The following DCAF8 variants were observed in gnomAD, a reference collection of about 807,000 sequenced individuals.
DCAF8 encodes DDB1- and CUL4-associated factor 8.
Under a neutral mutation model 68.0 loss-of-function variants are expected in DCAF8, and 20 were observed. That is an observed-to-expected ratio of 0.29 (90% CI 0.21 to 0.43). DCAF8 has a LOEUF of 0.43. Among genes scored for constraint, DCAF8 ranks in the 20% least tolerant of loss-of-function variants. The pLI is 1.00. For synonymous variants in DCAF8, 230 were observed against 276.9 expected, an observed-to-expected ratio of 0.83 and a Z score of 1.68; for missense variants, 460 against 771.0, an observed-to-expected ratio of 0.60 and a Z score of 4.78.
At chr1:160,241,583 GA>G (rs1571099820) in intron 3 of DCAF8, among the ~76,000 whole-genome samples, 2 of 152,164 alleles carry the variant, frequency 1.3e-5, no homozygotes, top group East Asian at 3.9e-4. Context: ...AGAACTTGAG[GA>G]ATGTTCTAAA....
intron 2 of DCAF8, among the ~76,000 whole-genome samples, chr1:160,254,288 C>T (rs139058905): frequency 0.016 from 2,397 of 151,244 alleles, 62 homozygotes; most frequent in African/African-American, 0.049. Context: ...TGCCACTGCA[C>T]TCCAACCTGG....
At chr1:160,232,851 T>C (rs775095224) in intron 6 of DCAF8, among the ~76,000 whole-genome samples, 31 of 152,052 alleles carry the variant, frequency 2.0e-4, no homozygotes, top group Non-Finnish European at 5.9e-5. Flanking sequence ...CAGCTTAAAA[T>C]ATGCACACTG....
intron 2 of DCAF8, among the ~76,000 whole-genome samples, chr1:160,258,150 C>T (rs1656913584): frequency 6.6e-6 from 1 of 151,874 alleles, no homozygotes; most frequent in African/African-American, 2.4e-5. Context: ...GGTTTGAAAC[C>T]AGCCTGGGCA....
At chr1:160,248,599 A>G (rs1373696520) in intron 2 of DCAF8, among the ~76,000 whole-genome samples, 1 of 150,598 alleles carries the variant, frequency 6.6e-6, no homozygotes, top group African/African-American at 2.4e-5. Flanking sequence ...GGCAGGCATG[A>G]TGGTGCGTGC....
intron 2 of DCAF8, among the ~76,000 whole-genome samples, chr1:160,248,168 G>A (rs766671245): frequency 2.0e-5 from 3 of 152,030 alleles, no homozygotes; most frequent in East Asian, 1.9e-4. Context: ...TTAGCCGGGC[G>A]TGGTGGCACA....
chr1:160,250,464 C>CAAAAAAAAAAAAAAAAA (rs386368471), intron 2 of DCAF8, among the ~76,000 whole-genome samples: 1 of 66,644 alleles, frequency 1.5e-5, no homozygotes, highest in Non-Finnish European at 2.7e-5. Flanking sequence ...GAAACTGTCT[C>CAAAAAAAAAAAAAAAAA]AAAAAAAAAA....
chr1:160,225,185 C>T (rs1655421667), intron 8 of DCAF8, 66 bp from the exon 9 acceptor site: 2 of 1,493,290 alleles, frequency 1.3e-6, no homozygotes, highest in Non-Finnish European at 1.8e-6. Context: ...CTTCAGGAAA[C>T]AGCTTTTCCT....
rs1037242127 is a variant in DCAF8, at chr1:160,222,594, C to A, written c.1440+57G>T. The A allele has an allele frequency of 6.9e-6, 11 of 1,601,334 alleles. No individual in the cohort carries two copies. In the Admixed American group the frequency reaches 8.4e-5, roughly 12 times the overall value. ...TGAGAATTCAGTGTCCCTGCTAAAA[C>A]CTACCTTAATGACTGGAGAGATTAG... On this transcript the variant is annotated intron_variant, in intron 11 of 13. Coordinates refer to ENST00000368074, the MANE Select transcript of DCAF8 (RefSeq NM_015726.4).
At chr1:160,240,393 T>C in intron 3 of DCAF8, 23 bp from the exon 4 acceptor site, 1 of 1,565,318 alleles carries the variant, frequency 6.4e-7, no homozygotes, top group Non-Finnish European at 8.7e-7. Context: ...GAGGAAGGAG[T>C]AGAGGAGAGG....
chr1:160,233,684 G>A (rs1655773600), intron 6 of DCAF8, among the ~76,000 whole-genome samples: 3 of 152,182 alleles, frequency 2.0e-5, no homozygotes, highest in South Asian at 4.1e-4. Flanking sequence ...AAGTTACCAT[G>A]TGGAAGCAAA....
At chr1:160,246,880 G>A (rs947929869) in intron 2 of DCAF8, among the ~76,000 whole-genome samples, 4 of 152,136 alleles carry the variant, frequency 2.6e-5, no homozygotes, top group Admixed American at 1.3e-4. Flanking sequence ...GATCACATGA[G>A]CCATAGAAGT....
chr1:160,230,110 G>C (rs1046218035), intron 7 of DCAF8, among the ~76,000 whole-genome samples: 2 of 152,140 alleles, frequency 1.3e-5, no homozygotes, highest in Admixed American at 1.3e-4. Context: ...GGGAAGAAGA[G>C]AGAAACAAGG....
chr1:160,222,507 C>G lies in DCAF8; in HGVS notation c.1440+144G>C, dbSNP rs1655333072. 2.6e-6 allele frequency: 3 copies of G among 1,135,840 alleles called. No homozygotes were observed. The East Asian group carries it at 7.2e-5, about 27-fold the overall frequency. 70.4% of individuals were successfully genotyped at this position (1,135,840 alleles called of 1,614,324 possible). A position where few individuals can be genotyped will look rare whatever the true frequency, so the allele number is the denominator to read the frequency against. On this transcript the variant is annotated intron_variant, in intron 11 of 13. Coordinates refer to ENST00000368074, the MANE Select transcript of DCAF8 (RefSeq NM_015726.4). The stretch of plus-strand genomic sequence containing the variant: ...ATACTCCATCAAAAACTCAGCACCT[C>G]CAGGCTAACTAGTCTTTTATGGCTG...
chr1:160,218,809 A>T, intron 12 of DCAF8, 40 bp downstream of exon 12: 1 of 1,612,598 alleles, frequency 6.2e-7, no homozygotes, highest in Non-Finnish European at 8.5e-7. Flanking sequence ...CAGTATGTGG[A>T]TAAGCAGAAA....
At chr1:160,223,407 AAAAAT>A (rs1331739357) in intron 10 of DCAF8, among the ~76,000 whole-genome samples, 1 of 152,204 alleles carries the variant, frequency 6.6e-6, no homozygotes, top group Non-Finnish European at 1.5e-5. Flanking sequence ...GCTCAGGAAA[AAAAAT>A]AAAACTAACC....
At chr1:160,255,062 C>A (rs1013768467) in intron 2 of DCAF8, among the ~76,000 whole-genome samples, 3 of 152,202 alleles carry the variant, frequency 2.0e-5, no homozygotes, top group Admixed American at 6.5e-5. Flanking sequence ...CCTAGAAAAT[C>A]CTGGACCTCT....
chr1:160,228,346 A>C (rs1253678595), intron 7 of DCAF8, among the ~76,000 whole-genome samples: 1 of 152,086 alleles, frequency 6.6e-6, no homozygotes, highest in East Asian at 1.9e-4. Flanking sequence ...ACCTGCCTTT[A>C]ATCTAATGTT....
At chr1:160,246,770 C>T (rs1293072588) in intron 2 of DCAF8, among the ~76,000 whole-genome samples, 2 of 152,108 alleles carry the variant, frequency 1.3e-5, no homozygotes, top group African/African-American at 4.8e-5. Context: ...GGAGACCAGC[C>T]TGGGCAACAT....
At chr1:160,245,989 T>C (rs1421792923) in intron 2 of DCAF8, among the ~76,000 whole-genome samples, 2 of 151,982 alleles carry the variant, frequency 1.3e-5, no homozygotes, top group African/African-American at 4.8e-5. Flanking sequence ...AAATACAAAA[T>C]TAGCTGGGCA....
Sources: gnomAD v4.1 joint callset for allele counts (sites outside exome capture counted in the v4.1 genomes callset) on GRCh38, gnomAD v4.1.1 for gene constraint, MANE v1.5 for transcripts, NCBI Gene and HGNC (gene_info 2026-07-23, HGNC 2026-07-21) for gene names.